Variants in PAX8 observed in about 807,000 individuals in gnomAD.
PAX8 encodes the protein paired box protein Pax-8.
Under a neutral mutation model 52.4 loss-of-function variants are expected in PAX8, and 15 were observed. That is an observed-to-expected ratio of 0.29 (90% CI 0.19 to 0.44). The LOEUF is 0.44. Ranked by LOEUF, PAX8 falls within the 20% of genes least tolerant of loss-of-function variation. The pLI is 1.00. For synonymous variants in PAX8, 284 were observed against 249.7 expected (o/e 1.14, Z -1.29); for missense variants, 554 against 602.5 (o/e 0.92, Z 0.84).
chr2:113,256,854 C>G (rs1692304429), intron 2 of PAX8, among the ~76,000 whole-genome samples: 1 of 152,058 alleles, frequency 6.6e-6, no homozygotes, highest in Non-Finnish European at 1.5e-5. Flanking sequence ...TTCTGTCTTT[C>G]CTTCTAAGTG....
chr2:113,227,745 C>T (rs1424188518), intron 9 of PAX8, among the ~76,000 whole-genome samples: 3 of 152,068 alleles, frequency 2.0e-5, no homozygotes, highest in African/African-American at 4.8e-5. Context: ...TGTATGTGGG[C>T]CACTAACTCA....
In PAX8 at chr2:113,246,848, G is replaced by C; in HGVS notation, c.97C>G (p.Arg33Gly). 6.2e-7 allele frequency: 1 copy of C among 1,614,154 alleles called. No homozygotes were observed. The highest frequency in any genetic ancestry group is 1.1e-5 in the South Asian group (1 of 91,082). ...CCCTGGTGGGCCAGGTCTACGATGC[G>C]CTGGCGGACCACTTCCGGCAGAGGT... ...GRPLPEVVRQ[R>G]IVDLAHQGVR... Residue 33 changes from arginine (R) to glycine (G), a missense_variant, in exon 3 of 12, where the codon CGC (arginine) becomes GGC (glycine). Physicochemically the swap from Arg to Gly is moderately radical, Grantham distance 125 (BLOSUM62 -2). Around this residue, in one of 2 missense-constraint regions of PAX8, gnomAD observed 109 missense variants for 192.7 expected, o/e 0.57. Transcript: ENST00000429538.
At chr2:113,277,134 T>C (rs1053319399) in intron 2 of PAX8, among the ~76,000 whole-genome samples, 1 of 152,122 alleles carries the variant, frequency 6.6e-6, no homozygotes, top group African/African-American at 2.4e-5. Context: ...CCTGAGGACC[T>C]TGAAGGGACC....
intron 1 of PAX8, 120 bp from the exon 2 acceptor site, chr2:113,278,589 T>C (rs1334003097): frequency 1.1e-6 from 1 of 940,624 alleles, no homozygotes; most frequent in Non-Finnish European, 1.6e-6. Context: ...GGAGGATTTT[T>C]AGGCGAAGTA....
At position 113,216,896 on chromosome 2, in the gene PAX8, TAAAATG is replaced by T. The variant is rs1381845735; in HGVS notation, c.*1631_*1636del. The T allele has an allele frequency of 8.8e-6, 2 of 228,072 alleles. No homozygotes were observed. Among genetic ancestry groups the T allele is most frequent in the Non-Finnish European group, 1.7e-5 (2 of 114,720 alleles). The allele number at this position is 228,072 out of a possible 1,614,324, so 14.1% of individuals were successfully genotyped here. A position where few individuals can be genotyped will look rare whatever the true frequency, so the allele number is the denominator to read the frequency against. On this transcript the variant is annotated 3_prime_UTR_variant, in exon 12 of 12. Coordinates refer to ENST00000429538, the MANE Select transcript of PAX8 (RefSeq NM_003466.4). ...TTCAAAGCCTCAGTTTCCTCATATG[TAAAATG>T]AAGCTGTATGTAAAACAGGGCTAAT...
rs1189467664 is a variant in PAX8 at position 113,235,547 on chromosome 2, G to C, written c.934C>G (p.Pro312Ala). 9 of 1,613,640 alleles carry C rather than the reference G, an allele frequency of 5.6e-6. No individual in the cohort carries two copies. The highest frequency in any genetic ancestry group is 1.1e-5 in the South Asian group (1 of 91,066). The stretch of plus-strand genomic sequence containing the variant: ...GTGGAGCTAGAACTGGACACCTCGG[G>C]GGTTTCCTGCTTTATGGCGAAGGGT... ...HSPFAIKQET[P>A]EVSSSSSTPS... The change falls in exon 9 of 12, where the codon CCC (proline) becomes GCC (alanine). Residue 312 changes from proline to alanine, a missense_variant. Pro to Ala is a conservative substitution (Grantham distance 27). Coordinates refer to ENST00000429538, the MANE Select transcript of PAX8 (RefSeq NM_003466.4).
intron 6 of PAX8, 25 bp downstream of exon 6, chr2:113,241,983 G>A (rs376235786): frequency 1.9e-5 from 31 of 1,612,108 alleles, no homozygotes; most frequent in African/African-American, 1.6e-4. Flanking sequence ...TGCACCGCCC[G>A]CTGCCCTCCT....
At chr2:113,260,558 G>C (rs965306075) in intron 2 of PAX8, among the ~76,000 whole-genome samples, 1 of 152,130 alleles carries the variant, frequency 6.6e-6, no homozygotes, top group Non-Finnish European at 1.5e-5. Flanking sequence ...AACCATGAGA[G>C]TAGGGGTAGG....
chr2:113,251,654 T>C (rs1691774560), intron 2 of PAX8, among the ~76,000 whole-genome samples: 1 of 152,200 alleles, frequency 6.6e-6, no homozygotes, highest in Non-Finnish European at 1.5e-5. Context: ...TTTTGAAAAG[T>C]GACCATTCAG....
intron 2 of PAX8, among the ~76,000 whole-genome samples, chr2:113,277,417 G>T (rs752263718): frequency 6.6e-6 from 1 of 152,224 alleles, no homozygotes; most frequent in Non-Finnish European, 1.5e-5. Context: ...CAAATGTCCC[G>T]TTTGCAGAGC....
intron 2 of PAX8, among the ~76,000 whole-genome samples, chr2:113,261,252 G>A (rs1055034893): frequency 1.3e-5 from 2 of 152,146 alleles, no homozygotes; most frequent in African/African-American, 4.8e-5. Flanking sequence ...CTGTGACGAT[G>A]CCAGTCTGTG....
chr2:113,246,198 C>T (rs896141527), intron 3 of PAX8, among the ~76,000 whole-genome samples: 8 of 152,184 alleles, frequency 5.3e-5, no homozygotes, highest in African/African-American at 1.9e-4. Context: ...CCCTAAAGTT[C>T]GGATTTAATT....
intron 2 of PAX8, among the ~76,000 whole-genome samples, chr2:113,261,315 T>G (rs185369059): frequency 5.5e-4 from 83 of 152,208 alleles, no homozygotes; most frequent in Admixed American, 1.7e-3. Flanking sequence ...CCAGTCCTAA[T>G]GTCTACAACT....
At position 113,278,520 on chromosome 2, in the gene PAX8, C is replaced by T. The variant is rs187040823; in HGVS notation, c.-75-51G>A. 4.3e-5 allele frequency: 60 copies of T among 1,391,784 alleles called. No homozygotes were observed. The African/African-American group carries it at 7.3e-4, about 17-fold the overall frequency. The allele number at this position is 1,391,784 out of a possible 1,614,324, so 86.2% of individuals were successfully genotyped here. The stretch of plus-strand genomic sequence containing the variant: ...GAGATGCGATGAGATTCGATGCCTG[C>T]ATCCTCAGGCCCCCTCCCCAGGCCT... On this transcript the variant is annotated intron_variant, in intron 1 of 11. Transcript: ENST00000429538.
intron 7 of PAX8, 99 bp downstream of exon 7, chr2:113,241,452 C>T (rs762854424): frequency 1.6e-6 from 2 of 1,238,872 alleles, no homozygotes. Context: ...CCCATTGATG[C>T]AACTTCCAGC....
chr2:113,222,001 C>T (rs2104418275), intron 10 of PAX8, among the ~76,000 whole-genome samples: 1 of 152,246 alleles, frequency 6.6e-6, no homozygotes, highest in African/African-American at 2.4e-5. Flanking sequence ...CTAATCGAAA[C>T]ATCTATTTAA....
chr2:113,254,265 A>G (rs1217804561), intron 2 of PAX8, among the ~76,000 whole-genome samples: 1 of 152,198 alleles, frequency 6.6e-6, no homozygotes, highest in Non-Finnish European at 1.5e-5. Flanking sequence ...ATTGATTTCT[A>G]CCTTCATGAA....
At chr2:113,234,985 C>T (rs1573433791) in intron 9 of PAX8, among the ~76,000 whole-genome samples, 1 of 152,356 alleles carries the variant, frequency 6.6e-6, no homozygotes, top group Middle Eastern at 3.4e-3. Context: ...CATGGAAACA[C>T]AACTGGGACT....
chr2:113,255,669 A>T (rs2104543953), intron 2 of PAX8: 1 of 152,298 alleles, frequency 6.6e-6, no homozygotes, highest in East Asian at 1.9e-4. Flanking sequence ...CACTAAGGAA[A>T]CTGTCACTGA....
Sources: allele counts gnomAD v4.1 joint callset (sites outside exome capture counted in the v4.1 genomes callset), GRCh38; gene constraint gnomAD v4.1.1; regional missense constraint gnomAD v4.1.1; transcripts MANE v1.5; gene names NCBI Gene and HGNC (gene_info 2026-07-23, HGNC 2026-07-21).